Variants in DISC1 observed in about 807,000 individuals in gnomAD.
The protein encoded by DISC1 is DISC1 scaffold protein.
A neutral mutation model predicts 84.5 loss-of-function variants in DISC1; 57 were observed. The ratio of observed to expected loss-of-function variants is 0.67; its 90% confidence interval spans 0.55 to 0.84. DISC1 has a LOEUF of 0.84. Among genes scored for constraint, DISC1 ranks in the 40% least tolerant of loss-of-function variants. The pLI is 0.00. For missense variants in DISC1, 1,000 were observed against 1,057.8 expected (o/e 0.95, Z 0.76); for synonymous variants, 411 against 415.2 (o/e 0.99, Z 0.12).
At position 231,880,566 on chromosome 1, in the gene DISC1, A is replaced by G. The variant is rs1558684960; in HGVS notation, c.1981+62049A>G. On this transcript the variant is annotated intron_variant, in intron 9 of 12. Coordinates refer to ENST00000439617, the MANE Select transcript of DISC1 (RefSeq NM_018662.3). ...GTAGGGCAGAGATGATAACACTGTT[A>G]TAGGACCGACAGGTTCGTATGCCCA... Among the ~76,000 whole-genome samples, 7 of 152,316 alleles carry G rather than the reference A, an allele frequency of 4.6e-5. No homozygotes were observed. The South Asian group carries it at 1.5e-3, about 32-fold the overall frequency.
chr1:231,927,241 T>G (rs985418009), intron 9 of DISC1, among the ~76,000 whole-genome samples: 1 of 152,248 alleles, frequency 6.6e-6, no homozygotes, highest in Non-Finnish European at 1.5e-5. Flanking sequence ...AGCCATGTAT[T>G]GGCTTACAAG....
chr1:232,015,496 G>T (rs1668406194), intron 11 of DISC1, among the ~76,000 whole-genome samples: 1 of 152,116 alleles, frequency 6.6e-6, no homozygotes, highest in Admixed American at 6.6e-5. Flanking sequence ...GTGGTGTCCT[G>T]GGAGTAGCTG....
intron 9 of DISC1, among the ~76,000 whole-genome samples, chr1:231,880,106 CA>C (rs1011638257): frequency 1.7e-4 from 26 of 152,242 alleles, no homozygotes; most frequent in African/African-American, 6.0e-4. Context: ...TTAATCTATT[CA>C]TGAAATAATG....
intron 6 of DISC1, among the ~76,000 whole-genome samples, chr1:231,772,539 G>A (rs900671716): frequency 5.3e-5 from 8 of 152,258 alleles, no homozygotes; most frequent in South Asian, 2.1e-4. Flanking sequence ...ATTATTGGCC[G>A]ATTTGAGGAA....
intron 10 of DISC1, among the ~76,000 whole-genome samples, chr1:231,979,328 T>A (rs905665796): frequency 6.6e-6 from 1 of 152,004 alleles, no homozygotes; most frequent in Non-Finnish European, 1.5e-5. Context: ...CCTAACCCCC[T>A]TGATCTGTGG....
Position 232,021,330 on chromosome 1 carries a change from C to CTG in DISC1, c.2308-5104_2308-5103insGT, listed in dbSNP as rs1293729398. On this transcript the variant is annotated intron_variant, in intron 11 of 12. Coordinates refer to ENST00000439617, the MANE Select transcript of DISC1 (RefSeq NM_018662.3). Reference sequence around the variant, plus strand: ...CTAGGAAATTTTTACTGTACTTGTTCTATACACACACACACACACACACAC... The same window carrying CTG: ...CTAGGAAATTTTTACTGTACTTGTTCTGTATACACACACACACACACACACAC... Among the ~76,000 whole-genome samples, 72 of 115,662 alleles carry CTG rather than the reference C, an allele frequency of 6.2e-4. 1 individual carries two copies. In the East Asian group the frequency reaches 0.014, roughly 22 times the overall value. 75.9% of individuals were successfully genotyped at this position (115,662 alleles called of 152,430 possible).
At chr1:231,990,672 A>T (rs1048804402) in intron 10 of DISC1, among the ~76,000 whole-genome samples, 2 of 152,160 alleles carry the variant, frequency 1.3e-5, no homozygotes, top group African/African-American at 4.8e-5. Flanking sequence ...TTTCTTTGCC[A>T]GAAGTAGGCA....
chr1:231,641,132 G>C (rs1397381331), intron 1 of DISC1, among the ~76,000 whole-genome samples: 1 of 152,238 alleles, frequency 6.6e-6, no homozygotes, highest in East Asian at 1.9e-4. Context: ...CAATCAAGGT[G>C]AGCTATTCTT....
At chr1:231,938,378 A>G (rs1352779779) in intron 9 of DISC1, among the ~76,000 whole-genome samples, 1 of 152,154 alleles carries the variant, frequency 6.6e-6, no homozygotes, top group Admixed American at 6.5e-5. Flanking sequence ...GCTGGATGAC[A>G]TGCCACTGCA....
chr1:231,889,112 T>A (rs2087008795), intron 9 of DISC1, among the ~76,000 whole-genome samples: 1 of 152,088 alleles, frequency 6.6e-6, no homozygotes, highest in Admixed American at 6.5e-5. Context: ...TTTTGTGGAT[T>A]TCAGTAAGTA....
At chr1:231,814,378 CAATT>C (rs1353002720) in intron 8 of DISC1, among the ~76,000 whole-genome samples, 1 of 152,238 alleles carries the variant, frequency 6.6e-6, no homozygotes, top group Middle Eastern at 3.4e-3. Context: ...AAATTGCTGT[CAATT>C]AAGCAGTAAC....
At chr1:231,708,346 G>T (rs1352278391) in intron 3 of DISC1, among the ~76,000 whole-genome samples, 1 of 152,172 alleles carries the variant, frequency 6.6e-6, no homozygotes, top group Non-Finnish European at 1.5e-5. Context: ...CTGACTCCAT[G>T]GACATCAGAA....
chr1:231,772,724 A>T (rs2076648504), intron 6 of DISC1, among the ~76,000 whole-genome samples: 1 of 152,110 alleles, frequency 6.6e-6, no homozygotes, highest in Non-Finnish European at 1.5e-5. Flanking sequence ...ACCCGTCCAA[A>T]TATATCTTAC....
chr1:231,863,189 T>C (rs1303010265), intron 9 of DISC1, among the ~76,000 whole-genome samples: 1 of 149,862 alleles, frequency 6.7e-6, no homozygotes, highest in Non-Finnish European at 1.5e-5. Flanking sequence ...AACAAGAATT[T>C]AGTTTTGATT....
At chr1:231,774,989 A>G (rs190738113) in intron 6 of DISC1, among the ~76,000 whole-genome samples, 1 of 152,236 alleles carries the variant, frequency 6.6e-6, no homozygotes, top group Non-Finnish European at 1.5e-5. Context: ...AGCTGCCTTC[A>G]TTGTTCATGA....
intron 9 of DISC1, among the ~76,000 whole-genome samples, chr1:231,921,405 G>A (rs888028222): frequency 6.6e-6 from 1 of 152,226 alleles, no homozygotes. Flanking sequence ...GTTTGGGAAG[G>A]GTGATAGAGA....
At position 231,771,161 on chromosome 1, in the gene DISC1, A is replaced by ATT. The variant is rs1180608030; in HGVS notation, c.1634+93_1634+94dup. 7 of 1,466,274 alleles carry ATT rather than the reference A, an allele frequency of 4.8e-6. No homozygotes were observed. In the African/African-American group the frequency reaches 1.0e-4, roughly 21 times the overall value. 90.8% of individuals were successfully genotyped at this position (1,466,274 alleles called of 1,614,324 possible). ...TGTCTGCTGTCTTTCATTTCTAAAC[A>ATT]TTTCCCAAGCAGTCTGTATTTTTCA... On this transcript the variant is annotated intron_variant, in intron 6 of 12. Coordinates refer to ENST00000439617, the MANE Select transcript of DISC1 (RefSeq NM_018662.3).
chr1:231,936,294 T>C (rs2090976631), intron 9 of DISC1, among the ~76,000 whole-genome samples: 1 of 152,050 alleles, frequency 6.6e-6, no homozygotes. Context: ...CTGCCCATAT[T>C]CTCCCAGCAT....
intron 3 of DISC1, among the ~76,000 whole-genome samples, chr1:231,735,522 C>T (rs2072364501): frequency 6.6e-6 from 1 of 152,140 alleles, no homozygotes; most frequent in South Asian, 2.1e-4. Context: ...AGAATCTTTC[C>T]TGTAGAAAGA....
Sources: gnomAD v4.1 joint callset for allele counts (sites outside exome capture counted in the v4.1 genomes callset) on GRCh38, gnomAD v4.1.1 for gene constraint, MANE v1.5 for transcripts, NCBI Gene and HGNC (gene_info 2026-07-23, HGNC 2026-07-21) for gene names.